The following HBP1 variants were observed in gnomAD, a reference collection of about 807,000 sequenced individuals.
HBP1 encodes HMG-box transcription factor 1.
In HBP1, 20 loss-of-function variants were observed where a neutral mutation model predicts 62.6. The ratio of observed to expected loss-of-function variants is 0.32; its 90% CI spans 0.22 to 0.46. HBP1 has a LOEUF of 0.46. HBP1 is among the 20% of genes least tolerant of loss of function. The pLI is 1.00. For missense variants in HBP1, 480 were observed against 611.8 expected, an observed-to-expected ratio of 0.78 and a Z score of 2.27; for synonymous variants, 232 against 206.2, an observed-to-expected ratio of 1.12 and a Z score of -1.07.
rs1255536379 is a variant in HBP1 at position 107,169,084 on chromosome 7, G to C, written c.-117G>C. 3.1e-6 allele frequency: 4 copies of C among 1,286,580 alleles called. No homozygotes were observed. Among genetic ancestry groups the C allele is most frequent in the African/African-American group, 3.0e-5 (2 of 65,720 alleles). 79.7% of individuals were successfully genotyped at this position (1,286,580 alleles called of 1,614,324 possible). On this transcript the variant is annotated 5_prime_UTR_variant, in exon 1 of 11. Coordinates refer to ENST00000222574, the MANE Select transcript of HBP1 (RefSeq NM_012257.4). Reference sequence around the variant, plus strand: ...AGCTGCCGCGGGAGCAGTAACCCGCGCGGGGGAGGCCGACGTCGGTCGGAG... The same window carrying C: ...AGCTGCCGCGGGAGCAGTAACCCGCCCGGGGGAGGCCGACGTCGGTCGGAG...
Position 107,196,300 on chromosome 7 carries a change from G to A in HBP1, c.1385+149G>A, listed in dbSNP as rs188607016. ...TTGTTTGTTTTTGAGACGGAGTCTC[G>A]CTGTGTCACCCAAGCTGGAGTCCAG... On this transcript the variant is annotated intron_variant, in intron 9 of 10. Coordinates refer to ENST00000222574, the MANE Select transcript of HBP1 (RefSeq NM_012257.4). 2.9e-3 allele frequency: 1,973 copies of A among 682,256 alleles called. 28 individuals carry two copies. The highest frequency in any genetic ancestry group is 0.028 in the African/African-American group (1,561 of 56,758). 42.3% of individuals were successfully genotyped at this position (682,256 alleles called of 1,614,324 possible).
rs140559709 is a variant in HBP1, at chr7:107,185,888, A to G, written c.486A>G (p.Glu162=). The change falls in exon 4 of 11, where the codon GAA becomes GAG. Residue 162 remains glutamate, a synonymous_variant. Coordinates refer to ENST00000222574, the MANE Select transcript of HBP1 (RefSeq NM_012257.4). ...CAGTGTCCTCTTCTTCGAAGAGTGAACCAGCCTTCCCTCATCACCATTGGA... is the reference window on the plus strand; with the variant it reads ...CAGTGTCCTCTTCTTCGAAGAGTGAGCCAGCCTTCCCTCATCACCATTGGA... ...PPPVSSSSKS[E]PAFPHHHWKE... 7.7e-4 allele frequency: 1,237 copies of G among 1,613,166 alleles called. 3 individuals are homozygous for G. The highest frequency in any genetic ancestry group is 9.7e-4 in the Non-Finnish European group (1,140 of 1,179,220).
In HBP1 at chr7:107,180,013, T is replaced by C; in HGVS notation, c.120T>C (p.Asn40=). The C allele has an allele frequency of 6.2e-7, 1 of 1,608,290 alleles. No homozygotes were observed. Among genetic ancestry groups the C allele is most frequent in the Non-Finnish European group, 8.5e-7 (1 of 1,175,372 alleles). The change falls in exon 2 of 11, where the codon AAT becomes AAC. Residue 40 remains asparagine, a synonymous_variant. Coordinates refer to ENST00000222574, the MANE Select transcript of HBP1 (RefSeq NM_012257.4). ...DSLELLQCNE[N]LPSSPGYNSC... is the part of the protein sequence containing the mutation. ...TGGAGTTGCTGCAGTGTAATGAGAA[T>C]TTGCCATCTTCACCTGGATATAACT...
chr7:107,195,268 C>T (rs1797839327), intron 8 of HBP1, among the ~76,000 whole-genome samples: 2 of 152,202 alleles, frequency 1.3e-5, no homozygotes, highest in African/African-American at 4.8e-5. Flanking sequence ...GTGATCCACC[C>T]ACCTCGGCCT....
chr7:107,172,593 G>C (rs1008224720), intron 1 of HBP1, among the ~76,000 whole-genome samples: 1 of 152,086 alleles, frequency 6.6e-6, no homozygotes, highest in African/African-American at 2.4e-5. Context: ...TGCTATTAAT[G>C]GGTTTTCTAT....
intron 8 of HBP1, among the ~76,000 whole-genome samples, chr7:107,191,166 G>T (rs1035773394): frequency 6.6e-6 from 1 of 152,086 alleles, no homozygotes; most frequent in Non-Finnish European, 1.5e-5. Flanking sequence ...ATTTCATTCA[G>T]TTTAATTAGT....
Position 107,200,184 on chromosome 7 carries a change from C to T in HBP1, c.1410C>T (p.Asp470=). 1.2e-6 allele frequency: 2 copies of T among 1,604,394 alleles called. No homozygotes were observed. The highest frequency in any genetic ancestry group is 1.1e-5 in the South Asian group (1 of 89,244). ...DNRAISVILG[D]RWKKMKNEER... ...GAGCCATAAGTGTGATCCTTGGTGA[C>T]AGGTGGAAGAAAATGAAGAATGAAG... Residue 470 remains aspartate (D), a synonymous_variant, in exon 10 of 11, where the codon GAC becomes GAT. Coordinates refer to ENST00000222574, the MANE Select transcript of HBP1 (RefSeq NM_012257.4).
chr7:107,178,751 G>A (rs1423276035), intron 1 of HBP1, among the ~76,000 whole-genome samples: 1 of 151,730 alleles, frequency 6.6e-6, no homozygotes, highest in Non-Finnish European at 1.5e-5. Flanking sequence ...TACTTTTTTT[G>A]GCCAGGTGCG....
chr7:107,174,262 C>G (rs1796734755), intron 1 of HBP1, among the ~76,000 whole-genome samples: 1 of 152,164 alleles, frequency 6.6e-6, no homozygotes, highest in Admixed American at 6.5e-5. Context: ...GCTTCTCTTA[C>G]TGTATGGTAG....
At chr7:107,178,590 C>A (rs1402933236) in intron 1 of HBP1, among the ~76,000 whole-genome samples, 1 of 152,140 alleles carries the variant, frequency 6.6e-6, no homozygotes, top group Non-Finnish European at 1.5e-5. Context: ...ATTCATCTTT[C>A]TATACATAAT....
At chr7:107,201,358 AGGATT>A in intron 10 of HBP1, 51 bp from the exon 11 acceptor site, 1 of 1,045,468 alleles carries the variant, frequency 9.6e-7, no homozygotes, top group Admixed American at 1.9e-5. Flanking sequence ...TTTCATATAT[AGGATT>A]ACTATGTATT....
chr7:107,171,071 A>ATTTTTTTTTTTTTT lies in HBP1; in HGVS notation c.-16+1887_-16+1888insTTTTTTTTTTTTTT, dbSNP rs1160740045. On this transcript the variant is annotated intron_variant, in intron 1 of 10. Transcript: ENST00000222574. ...AATATATATATATATATATATATAT[A>ATTTTTTTTTTTTTT]TATTTTTTTTTTTTTTTGAGAGGGA... 3.9e-4 allele frequency among the ~76,000 whole-genome samples: 33 copies of ATTTTTTTTTTTTTT among 84,298 alleles called. 6 individuals are homozygous for ATTTTTTTTTTTTTT. The highest frequency in any genetic ancestry group is 2.2e-3 in the African/African-American group (27 of 12,242). The allele number at this position is 84,298 out of a possible 152,430, so 55.3% of individuals were successfully genotyped here.
chr7:107,189,444 TA>T lies in HBP1; in HGVS notation c.921del (p.Gly308ValfsTer9). On this transcript the variant is annotated frameshift_variant, in exon 7 of 11. Transcript: ENST00000222574. LOFTEE classifies it high-confidence loss of function. ...KLDHPFYVKN[K>X]GWSSFYPSLT... ...TGGACCACCCTTTCTATGTTAAAAA[TA>T]AAGGTAGGGCTTGAATTGCATTTGT... The T allele has an allele frequency of 6.2e-7, 1 of 1,603,674 alleles. No homozygotes were observed. Among genetic ancestry groups the T allele is most frequent in the Non-Finnish European group, 8.5e-7 (1 of 1,174,896 alleles).
intron 1 of HBP1, among the ~76,000 whole-genome samples, chr7:107,173,789 A>T (rs4730223): frequency 0.17 from 26,603 of 152,224 alleles, 2,542 homozygotes; most frequent in Non-Finnish European, 0.22. Flanking sequence ...TGGAAAATAG[A>T]TACTGAGAAT....
Position 107,200,271 on chromosome 7 carries a change from T to C in HBP1, c.1497T>C (p.Pro499=), listed in dbSNP as rs775321919. 1.2e-6 allele frequency: 2 copies of C among 1,613,220 alleles called. No individual in the cohort carries two copies. The highest frequency in any genetic ancestry group is 2.2e-5 in the South Asian group (2 of 90,926). ...CTGAAGAACAGAAACGTTTAAATCC[T>C]GACTGTTGGAAGAGGAAAAGAACCA... ...ALAEEQKRLN[P]DCWKRKRTNS... The change falls in exon 10 of 11, where the codon CCT becomes CCC. Residue 499 remains proline (P), a synonymous_variant. Transcript: ENST00000222574.
intron 1 of HBP1, among the ~76,000 whole-genome samples, chr7:107,178,760 C>T (rs1247492697): frequency 3.3e-5 from 5 of 152,122 alleles, no homozygotes; most frequent in Admixed American, 2.0e-4. Flanking sequence ...TGGCCAGGTG[C>T]GGTGGCTCAT....
Position 107,175,139 on chromosome 7 carries a change from A to G in HBP1, c.-15-4740A>G, listed in dbSNP as rs531120218. Among the ~76,000 whole-genome samples, 415 of 152,238 alleles carry G rather than the reference A, an allele frequency of 2.7e-3. 2 individuals carry two copies. Among genetic ancestry groups the G allele is most frequent in the South Asian group, 4.4e-3 (21 of 4,818 alleles). On this transcript the variant is annotated intron_variant, in intron 1 of 10. Transcript: ENST00000222574. ...CTGCATACTCATACAGTATTTCAGTATGATTTTGTCCATAGACTCAAAGAG... is the reference window on the plus strand; with the variant it reads ...CTGCATACTCATACAGTATTTCAGTGTGATTTTGTCCATAGACTCAAAGAG...
At chr7:107,176,272 C>G (rs773024678) in intron 1 of HBP1, among the ~76,000 whole-genome samples, 1 of 152,056 alleles carries the variant, frequency 6.6e-6, no homozygotes, top group African/African-American at 2.4e-5. Flanking sequence ...GATCCGCCCT[C>G]CTCGGCTTCC....
Position 107,186,366 on chromosome 7 carries a change from T to C in HBP1, c.546T>C (p.Asn182=), listed in dbSNP as rs2115899176. 5.0e-6 allele frequency: 8 copies of C among 1,586,482 alleles called. No individual in the cohort carries two copies. Among genetic ancestry groups the C allele is most frequent in the Admixed American group, 1.7e-5 (1 of 58,834 alleles). The stretch of plus-strand genomic sequence containing the variant: ...GATAATATTTTTCTCCATAGGCAAA[T>C]AGTGAGTCAGAATCTGGCATTTTCT... ...EETPVRHERA[N]SESESGIFCM... Residue 182 remains asparagine (N), a synonymous_variant, in exon 5 of 11, where the codon AAT becomes AAC. Coordinates refer to ENST00000222574, the MANE Select transcript of HBP1 (RefSeq NM_012257.4).
Sources: allele counts gnomAD v4.1 joint callset (sites outside exome capture counted in the v4.1 genomes callset), GRCh38; gene constraint gnomAD v4.1.1; transcripts MANE v1.5; gene names NCBI Gene and HGNC (gene_info 2026-07-23, HGNC 2026-07-21).